MOB3A: variants seen among roughly 807,000 people sequenced by gnomAD.
MOB3A encodes MOB kinase activator 3A.
MOB3A carries 17 observed loss-of-function variants against 17.8 expected under a neutral mutation model. The observed-to-expected ratio is 0.95, with a 90% CI of 0.65 to 1.43. The LOEUF is 1.43. Ranked by LOEUF, MOB3A falls within the 40% of genes most tolerant of loss-of-function variation. MOB3A has a pLI of 0.00. For synonymous variants in MOB3A, 124 were observed against 133.2 expected (o/e 0.93, Z 0.48); for missense variants, 333 against 310.8 (o/e 1.07, Z -0.54).
chr19:2,081,869 G>GC (rs1223451251), intron 2 of MOB3A, among the ~76,000 whole-genome samples: 2 of 152,214 alleles, frequency 1.3e-5, no homozygotes, highest in Non-Finnish European at 2.9e-5. Flanking sequence ...GGGTGAGAGA[G>GC]CAAGACTCTG....
At chr19:2,095,990 C>G (rs1377555816) in intron 1 of MOB3A, among the ~76,000 whole-genome samples, 1 of 152,082 alleles carries the variant, frequency 6.6e-6, no homozygotes, top group Non-Finnish European at 1.5e-5. Flanking sequence ...GTGATCCACC[C>G]GCGTCGGCCT....
intron 2 of MOB3A, among the ~76,000 whole-genome samples, chr19:2,081,908 G>A (rs146918329): frequency 3.4e-4 from 52 of 152,230 alleles, no homozygotes; most frequent in African/African-American, 1.2e-3. Context: ...ACACAACACG[G>A]TGCCCACTGT....
Position 2,073,330 on chromosome 19 carries a change from A to G in MOB3A, c.*65T>C, listed in dbSNP as rs1012180410. 2.7e-5 allele frequency: 43 copies of G among 1,590,160 alleles called. No individual in the cohort carries two copies. Among genetic ancestry groups the G allele is most frequent in the Non-Finnish European group, 3.0e-5 (35 of 1,161,758 alleles). ...GAGAGAAGCGGGATGATGGTTCCAG[A>G]GCGTCCTCCTCCAAGTCTCCGAGGC... is the stretch of plus-strand genomic sequence containing the variant. On this transcript the variant is annotated 3_prime_UTR_variant, in exon 5 of 5. Transcript: ENST00000357066.
chr19:2,078,479 G>C lies in MOB3A; in HGVS notation c.82C>G (p.Arg28Gly). The C allele has an allele frequency of 6.2e-7, 1 of 1,610,230 alleles. No homozygotes were observed. Among genetic ancestry groups the C allele is most frequent in the Middle Eastern group, 1.7e-4 (1 of 6,044 alleles). Residue 28 changes from arginine (R) to glycine (G), a missense_variant, in exon 3 of 5, where the codon CGC becomes GGC. Transcript: ENST00000357066. The stretch of plus-strand genomic sequence containing the variant: ...TGCGCCTTCTTGTGCAGCTCGAAGC[G>C]CTGGGTGCCTGGCTCAAACTTGCGC... ...PKRKFEPGTQ[R>G]FELHKKAQAS... is the part of the protein sequence containing the mutation.
rs565366374 is a variant in MOB3A, at chr19:2,078,633, C to T, written c.-73G>A. 5.6e-6 allele frequency: 8 copies of T among 1,433,778 alleles called. No individual in the cohort carries two copies. The Admixed American group carries it at 9.2e-5, about 16-fold the overall frequency. 88.8% of individuals were successfully genotyped at this position (1,433,778 alleles called of 1,614,324 possible). On this transcript the variant is annotated 5_prime_UTR_variant, in exon 3 of 5. Transcript: ENST00000357066. ...AGCTGGCTGGGGGTGCTGACCAACC[C>T]GAGAGGCCACGAAACACTCACCAAG...
rs749266851 is a variant in MOB3A, at chr19:2,078,270, A to G, written c.291T>C (p.Tyr97=). The G allele has an allele frequency of 6.2e-7, 1 of 1,614,074 alleles. No individual in the cohort carries two copies. The highest frequency in any genetic ancestry group is 8.5e-7 in the Non-Finnish European group (1 of 1,180,000). ...TATGCTCATCCTGCCAGCGGTACTCATACTTGGGGCCCCCCGACATGACGG... is the reference window on the plus strand; with the variant it reads ...TATGCTCATCCTGCCAGCGGTACTCGTACTTGGGGCCCCCCGACATGACGG... ...SCPVMSGGPK[Y]EYRWQDEHKF... The change falls in exon 3 of 5, where the codon TAT becomes TAC. Residue 97 remains tyrosine, a synonymous_variant. Transcript: ENST00000357066.
chr19:2,093,209 G>A lies in MOB3A; in HGVS notation c.-274+3017C>T, dbSNP rs1386664624. Among the ~76,000 whole-genome samples, 1 of 151,924 alleles carries A rather than the reference G, an allele frequency of 6.6e-6. No individual in the cohort carries two copies. Among genetic ancestry groups the A allele is most frequent in the Non-Finnish European group, 1.5e-5 (1 of 67,992 alleles). On this transcript the variant is annotated intron_variant, in intron 1 of 4. Transcript: ENST00000357066. This position sits in a 1 kb window ranked among gnomAD's most constrained non-coding sequence, Gnocchi z 4.6. ...GTCTTACTCTGTTGCCCAGGCTGGA[G>A]TGCAGTGGCGTGATCTTGGCTCACT...
chr19:2,080,612 T>A (rs888390075), intron 2 of MOB3A, among the ~76,000 whole-genome samples: 1 of 152,054 alleles, frequency 6.6e-6, no homozygotes, highest in African/African-American at 2.4e-5. Context: ...CCTGACCTCA[T>A]CTGATCCGCC....
rs1276275080 is a variant in MOB3A at position 2,078,435 on chromosome 19, C to A, written c.126G>T (p.Gly42=). Residue 42 remains glycine, a synonymous_variant, in exon 3 of 5, where the codon GGG becomes GGT. Transcript: ENST00000357066. Reference sequence around the variant, plus strand: ...ACTGCACGGCCAGCCGCAGGTCCAGCCCGGCGTTCAGCGACGCCTGCGCCT... The same window carrying A: ...ACTGCACGGCCAGCCGCAGGTCCAGACCGGCGTTCAGCGACGCCTGCGCCT... ...HKKAQASLNA[G]LDLRLAVQLP... The A allele has an allele frequency of 3.7e-6, 6 of 1,613,684 alleles. No individual in the cohort carries two copies. Among genetic ancestry groups the A allele is most frequent in the Non-Finnish European group, 5.1e-6 (6 of 1,179,818 alleles).
At chr19:2,081,293 A>C (rs1308540360) in intron 2 of MOB3A, among the ~76,000 whole-genome samples, 1 of 152,116 alleles carries the variant, frequency 6.6e-6, no homozygotes, top group Non-Finnish European at 1.5e-5. Context: ...GTTTGGAAAA[A>C]AAGCAAGTTA....
At position 2,082,553 on chromosome 19, in the gene MOB3A, C is replaced by T. The variant is rs918145787; in HGVS notation, c.-120+2622G>A. Among the ~76,000 whole-genome samples, 3 of 152,132 alleles carry T rather than the reference C, an allele frequency of 2.0e-5. No homozygotes were observed. The highest frequency in any genetic ancestry group is 7.2e-5 in the African/African-American group (3 of 41,434). On this transcript the variant is annotated intron_variant, in intron 2 of 4. Transcript: ENST00000357066. This position sits in a 1 kb window ranked among gnomAD's most constrained non-coding sequence, Gnocchi z 4.1. Reference sequence around the variant, plus strand: ...CTCTGTGGGTGGATCGGCCGGGTCTCGAACCCTGGACTCTGTGGGTGAAGC... The same window carrying T: ...CTCTGTGGGTGGATCGGCCGGGTCTTGAACCCTGGACTCTGTGGGTGAAGC...
At chr19:2,073,697 A>C (rs2017368914) in intron 4 of MOB3A, among the ~76,000 whole-genome samples, 1 of 152,116 alleles carries the variant, frequency 6.6e-6, no homozygotes, top group Admixed American at 6.6e-5. Context: ...AAGCCACCTC[A>C]GACGATGGTA....
In MOB3A at chr19:2,082,800, GTCCCCCCGCTTGC is replaced by G. The variant is rs1419402931; in HGVS notation, c.-120+2362_-120+2374del. Among the ~76,000 whole-genome samples, 1 of 152,010 alleles carries G rather than the reference GTCCCCCCGCTTGC, an allele frequency of 6.6e-6. No homozygotes were observed. The highest frequency in any genetic ancestry group is 1.5e-5 in the Non-Finnish European group (1 of 68,020). The stretch of plus-strand genomic sequence containing the variant: ...GCACAACCCCAGGGTCACCACACAG[GTCCCCCCGCTTGC>G]TTCTCTTCCATTTTTAGAGACAGGT... On this transcript the variant is annotated intron_variant, in intron 2 of 4. Transcript: ENST00000357066. The surrounding 1 kb of genome is among the most constrained non-coding windows in gnomAD (Gnocchi z 4.1).
chr19:2,078,575 C>A lies in MOB3A; in HGVS notation c.-15G>T. Reference sequence around the variant, plus strand: ...GGGTTGGACATCTTGGTGACGCCTGCTCTCCTGGACTTCTGTAGAGGGGTC... The same window carrying A: ...GGGTTGGACATCTTGGTGACGCCTGATCTCCTGGACTTCTGTAGAGGGGTC... On this transcript the variant is annotated 5_prime_UTR_variant, in exon 3 of 5. Transcript: ENST00000357066. 23 of 1,550,000 alleles carry A rather than the reference C, an allele frequency of 1.5e-5. No homozygotes were observed. The highest frequency in any genetic ancestry group is 2.0e-5 in the Non-Finnish European group (23 of 1,144,668).
intron 1 of MOB3A, among the ~76,000 whole-genome samples, chr19:2,092,082 GTTTTTT>G (rs1219970948): frequency 8.4e-6 from 1 of 118,896 alleles, no homozygotes; most frequent in African/African-American, 3.2e-5. Flanking sequence ...GGAAGGAAAG[GTTTTTT>G]TTTTTTTTTT....
intron 2 of MOB3A, among the ~76,000 whole-genome samples, chr19:2,081,383 T>C (rs2017486383): frequency 6.7e-6 from 1 of 149,756 alleles, no homozygotes; most frequent in Non-Finnish European, 1.5e-5. Flanking sequence ...AGGTCGGGAA[T>C]TCGAGATCAG....
chr19:2,087,056 G>T (rs2017562182), intron 1 of MOB3A, among the ~76,000 whole-genome samples: 1 of 152,170 alleles, frequency 6.6e-6, no homozygotes, highest in Admixed American at 6.5e-5. Context: ...CACCCAAAGT[G>T]CAGGGATTAC....
chr19:2,094,423 C>T (rs996350795), intron 1 of MOB3A, among the ~76,000 whole-genome samples: 9 of 152,160 alleles, frequency 5.9e-5, no homozygotes, highest in African/African-American at 1.9e-4. Context: ...TACATGAAAG[C>T]AAGACCAGGC....
chr19:2,095,562 G>A (rs887979380), intron 1 of MOB3A, among the ~76,000 whole-genome samples: 32 of 152,230 alleles, frequency 2.1e-4, no homozygotes, highest in Admixed American at 7.2e-4. Flanking sequence ...GGAGGGCAGC[G>A]GGCAGGGCCA....
Sources: gnomAD v4.1 joint callset for allele counts (sites outside exome capture counted in the v4.1 genomes callset) on GRCh38, gnomAD v4.1.1 for gene constraint, Gnocchi (gnomAD v3.1) non-coding constraint, MANE v1.5 for transcripts, NCBI Gene and HGNC (gene_info 2026-07-23, HGNC 2026-07-21) for gene names.